ISY1: variants seen among roughly 807,000 people sequenced by gnomAD.
ISY1 encodes the protein ISY1 spliceosome associated protein.
In ISY1, 12 loss-of-function variants were observed where a neutral mutation model predicts 54.4. The observed-to-expected ratio is 0.22, with a 90% CI of 0.14 to 0.36. The LOEUF (loss-of-function observed/expected upper bound fraction) is 0.36. Among genes scored for constraint, ISY1 ranks in the 10% least tolerant of loss-of-function variants. The probability of loss-of-function intolerance (pLI) is 1.00; values close to 1 mark genes in which losing one functional copy is unlikely to be tolerated. For synonymous variants in ISY1, 96 were observed against 117.9 expected (o/e 0.81, Z 1.20); for missense variants, 282 against 342.2 (o/e 0.82, Z 1.39).
At position 129,130,731 on chromosome 3, in the gene ISY1, GA is replaced by G. The variant is rs1035971895; in HGVS notation, c.664-96del. ...CACACTACTCTGCAACTATTTAAAAGAAAAAAAAACTAAGAAAGTTCTATAC... is the reference window on the plus strand; with the variant it reads ...CACACTACTCTGCAACTATTTAAAAGAAAAAAAACTAAGAAAGTTCTATAC... On this transcript the variant is annotated intron_variant, in intron 9 of 10. Transcript: ENST00000393295. The G allele has an allele frequency of 2.0e-4, 256 of 1,303,582 alleles. 1 individual carries two copies. The highest frequency in any genetic ancestry group is 1.9e-4 in the Admixed American group (7 of 36,068). 80.8% of individuals were successfully genotyped at this position (1,303,582 alleles called of 1,614,324 possible). A position where few individuals can be genotyped will look rare whatever the true frequency, so the allele number is the denominator to read the frequency against.
In ISY1 at chr3:129,128,076, G is replaced by C. The variant is rs1010077598; in HGVS notation, c.*2005C>G. ...AAACCACAGGACTGCCCAGACCCCA[G>C]AGCAAACTGAGACAGCACAGGTCCA... On this transcript the variant is annotated 3_prime_UTR_variant, in exon 11 of 11. Coordinates refer to ENST00000393295, the MANE Select transcript of ISY1 (RefSeq NM_020701.4). 1 of 152,546 alleles carries C rather than the reference G, an allele frequency of 6.6e-6. No homozygotes were observed. Among genetic ancestry groups the C allele is most frequent in the Non-Finnish European group, 1.5e-5 (1 of 68,328 alleles). The allele number at this position is 152,546 out of a possible 1,614,324, so 9.4% of individuals were successfully genotyped here.
intron 4 of ISY1, 34 bp from the exon 5 acceptor site, chr3:129,156,709 T>C (rs751625756): frequency 6.3e-7 from 1 of 1,577,730 alleles, no homozygotes; most frequent in South Asian, 1.2e-5. Flanking sequence ...TTAATAATTT[T>C]TGAATATGTT....
At chr3:129,134,977 T>C in intron 7 of ISY1, 23 bp from the exon 8 acceptor site, 2 of 1,591,432 alleles carry the variant, frequency 1.3e-6, no homozygotes, top group Non-Finnish European at 1.7e-6. Context: ...GAAATGGAGC[T>C]GAGTTTCCAA....
intron 1 of ISY1, among the ~76,000 whole-genome samples, chr3:129,160,127 G>A (rs1937261912): frequency 6.6e-6 from 1 of 151,758 alleles, no homozygotes. Context: ...CCGGGTTCAC[G>A]CCATTCTCCT....
At chr3:129,137,839 G>A (rs935498849) in intron 7 of ISY1, among the ~76,000 whole-genome samples, 3 of 146,946 alleles carry the variant, frequency 2.0e-5, no homozygotes, top group Non-Finnish European at 4.5e-5. Flanking sequence ...GTAAACCCGG[G>A]AGGCAGAGCT....
At chr3:129,137,336 T>C (rs1936439298) in intron 7 of ISY1, 1 of 434,448 alleles carries the variant, frequency 2.3e-6, no homozygotes, top group South Asian at 9.7e-5. Context: ...ATTTGAATTA[T>C]AACCAGTAAA....
chr3:129,155,743 T>G (rs566907589), intron 5 of ISY1, among the ~76,000 whole-genome samples: 27 of 151,714 alleles, frequency 1.8e-4, no homozygotes, highest in Non-Finnish European at 3.2e-4. Context: ...TTTTTTGAGA[T>G]GGAGTTTCAC....
chr3:129,133,457 A>G (rs979611617), intron 9 of ISY1, among the ~76,000 whole-genome samples: 3 of 152,176 alleles, frequency 2.0e-5, no homozygotes, highest in South Asian at 2.1e-4. Flanking sequence ...GCACTTTGGG[A>G]GGCCAAGGCA....
chr3:129,146,939 G>A (rs1008136974), intron 5 of ISY1, among the ~76,000 whole-genome samples: 1 of 151,960 alleles, frequency 6.6e-6, no homozygotes, highest in Non-Finnish European at 1.5e-5. Flanking sequence ...CATGCCTGTG[G>A]TTCCAGCTAC....
rs886449423 is a variant in ISY1, at chr3:129,133,648, T to C, written c.663+426A>G. Among the ~76,000 whole-genome samples, 11 of 152,246 alleles carry C rather than the reference T, an allele frequency of 7.2e-5. No homozygotes were observed. The East Asian group carries it at 2.1e-3, about 29-fold the overall frequency. On this transcript the variant is annotated intron_variant, in intron 9 of 10. Coordinates refer to ENST00000393295, the MANE Select transcript of ISY1 (RefSeq NM_020701.4). ...GGCAGAGGTTGCAGTGAGCCAAGAT[T>C]GTGCCACTGCACTCCAGCCTGGGCA...
intron 5 of ISY1, among the ~76,000 whole-genome samples, chr3:129,149,155 G>C (rs1393599754): frequency 6.6e-6 from 1 of 151,878 alleles, no homozygotes; most frequent in Non-Finnish European, 1.5e-5. Context: ...GGCAGGGCTG[G>C]GCACAGTGGC....
At chr3:129,151,947 T>C (rs993174873) in intron 5 of ISY1, among the ~76,000 whole-genome samples, 1 of 152,084 alleles carries the variant, frequency 6.6e-6, no homozygotes, top group Admixed American at 6.6e-5. Context: ...TCACCTGAGG[T>C]TGGGAATTCG....
chr3:129,149,196 C>A (rs963892830), intron 5 of ISY1, among the ~76,000 whole-genome samples: 2 of 151,600 alleles, frequency 1.3e-5, no homozygotes, highest in Non-Finnish European at 1.5e-5. Flanking sequence ...CTTTGGGAGG[C>A]CGAGGCAGGC....
At chr3:129,130,471 G>T in intron 10 of ISY1, 79 bp downstream of exon 10, 1 of 1,542,042 alleles carries the variant, frequency 6.5e-7, no homozygotes, top group Non-Finnish European at 8.8e-7. Context: ...GAAGGACAAC[G>T]AAAACCCACT....
chr3:129,130,360 G>A (rs767869895), intron 10 of ISY1, among the ~76,000 whole-genome samples, 172 bp from the exon 11 acceptor site: 1 of 152,196 alleles, frequency 6.6e-6, no homozygotes, highest in Admixed American at 6.5e-5. Flanking sequence ...TTGAACGATA[G>A]AATGGCCTAG....
intron 5 of ISY1, among the ~76,000 whole-genome samples, chr3:129,154,439 C>CAAAAA (rs58548903): frequency 1.2e-4 from 4 of 33,402 alleles, no homozygotes; most frequent in Admixed American, 3.8e-4. Flanking sequence ...GACTCCATCT[C>CAAAAA]AAAAAAAAAA....
At chr3:129,136,134 C>T (rs1266612972) in intron 7 of ISY1, among the ~76,000 whole-genome samples, 17 of 150,748 alleles carry the variant, frequency 1.1e-4, no homozygotes, top group African/African-American at 2.9e-4. Flanking sequence ...GATGGAATTT[C>T]GCTCTTGTCC....
intron 5 of ISY1, among the ~76,000 whole-genome samples, chr3:129,155,394 C>T (rs1186582307): frequency 2.0e-5 from 3 of 151,790 alleles, no homozygotes; most frequent in African/African-American, 7.3e-5. Context: ...AGGGTTTCAC[C>T]ATGTTGGCCA....
chr3:129,142,886 C>A (rs1262971619), intron 6 of ISY1, among the ~76,000 whole-genome samples: 1 of 152,000 alleles, frequency 6.6e-6, no homozygotes, highest in African/African-American at 2.4e-5. Flanking sequence ...GAAACCCTGT[C>A]TCTACTAAAA....
Sources: gnomAD v4.1 joint callset for allele counts (sites outside exome capture counted in the v4.1 genomes callset) on GRCh38, gnomAD v4.1.1 for gene constraint, MANE v1.5 for transcripts, NCBI Gene and HGNC (gene_info 2026-07-23, HGNC 2026-07-21) for gene names.